The following LNX2 variants were observed in gnomAD, a reference collection of about 807,000 sequenced individuals.
The protein encoded by LNX2 is ligand of Numb protein X 2.
LNX2 carries 35 observed loss-of-function variants against 66.2 expected under a neutral mutation model. That is an observed-to-expected ratio of 0.53 (90% CI 0.40 to 0.70). The LOEUF is 0.70. Among genes scored for constraint, LNX2 ranks in the 30% least tolerant of loss-of-function variants. The pLI, the probability that LNX2 is intolerant of heterozygous loss-of-function variation, is 0.00. For synonymous variants in LNX2, 337 were observed against 315.6 expected, an observed-to-expected ratio of 1.07 and a Z score of -0.72; for missense variants, 791 against 850.8, an observed-to-expected ratio of 0.93 and a Z score of 0.87.
intron 1 of LNX2, among the ~76,000 whole-genome samples, chr13:27,590,773 G>C (rs1299456503): frequency 1.3e-5 from 2 of 152,074 alleles, no homozygotes; most frequent in Non-Finnish European, 2.9e-5. Context: ...TAAGGTAAAG[G>C]AAATAGAACT....
At chr13:27,620,259 CGGCCGCCTCCCGGGGCGCGGCGCT>C (rs1390680160) in intron 1 of LNX2, 92 bp downstream of exon 1, 1 of 152,130 alleles carries the variant, frequency 6.6e-6, no homozygotes, top group Non-Finnish European at 1.5e-5. Context: ...GGCGCCGCTC[CGGCCGCCTCCCGGGGCGCGGCGCT>C]GACCCACACC....
At chr13:27,562,849 G>A in intron 4 of LNX2, 68 bp from the exon 5 acceptor site, 3 of 1,505,518 alleles carry the variant, frequency 2.0e-6, no homozygotes, top group Non-Finnish European at 2.7e-6. Context: ...GAATGTTTAT[G>A]TGACATTTCC....
intron 5 of LNX2, 68 bp from the exon 6 acceptor site, chr13:27,560,053 G>A: frequency 7.3e-7 from 1 of 1,364,602 alleles, no homozygotes; most frequent in Non-Finnish European, 9.8e-7. Context: ...ATTACACACA[G>A]TGTAATTTTC....
At chr13:27,582,470 G>A (rs1348908821) in intron 1 of LNX2, among the ~76,000 whole-genome samples, 1 of 152,196 alleles carries the variant, frequency 6.6e-6, no homozygotes, top group African/African-American at 2.4e-5. Flanking sequence ...TAGTTTTAAA[G>A]CCAATTAATT....
intron 1 of LNX2, among the ~76,000 whole-genome samples, chr13:27,598,031 C>T (rs1199935546): frequency 1.3e-5 from 2 of 151,974 alleles, no homozygotes; most frequent in Admixed American, 1.3e-4. Context: ...TTTCAATTTA[C>T]AACAAATGTC....
At chr13:27,597,717 T>C (rs1012754608) in intron 1 of LNX2, among the ~76,000 whole-genome samples, 4 of 151,998 alleles carry the variant, frequency 2.6e-5, no homozygotes, top group Admixed American at 6.5e-5. Flanking sequence ...GGAATGACTA[T>C]GAACAGTCAA....
At chr13:27,581,939 A>T (rs999166518) in intron 1 of LNX2, 136 bp from the exon 2 acceptor site, 1 of 368,304 alleles carries the variant, frequency 2.7e-6, no homozygotes, top group Middle Eastern at 7.0e-4. Flanking sequence ...AATTAGTCAT[A>T]AAAAAAGAAA....
chr13:27,553,335 T>G lies in LNX2; in HGVS notation c.1651A>C (p.Lys551Gln), dbSNP rs754394961. Residue 551 changes from lysine (K) to glutamine (Q), a missense_variant, in exon 8 of 10, where the codon AAA (lysine) becomes CAA (glutamine). Physicochemically the swap from Lys to Gln is moderately conservative, Grantham distance 53 (BLOSUM62 1). Transcript: ENST00000316334. ...ASAASPAVAL[K>Q]ALEVQIVEEA... ...TCAACAATCTGGACCTCAAGTGCTTTAAGGGCAACAGCAGGGGACGCGGCA... is the reference window on the plus strand; with the variant it reads ...TCAACAATCTGGACCTCAAGTGCTTGAAGGGCAACAGCAGGGGACGCGGCA... The G allele has an allele frequency of 7.4e-6, 12 of 1,614,190 alleles. No homozygotes were observed. The highest frequency in any genetic ancestry group is 9.3e-6 in the Non-Finnish European group (11 of 1,180,036).
Position 27,562,455 on chromosome 13 carries a change from G to A in LNX2, c.1182C>T (p.Asp394=), listed in dbSNP as rs1955146233. Residue 394 remains aspartate, a synonymous_variant, in exon 5 of 10, where the codon GAC becomes GAT. Coordinates refer to ENST00000316334, the MANE Select transcript of LNX2 (RefSeq NM_153371.4). ...NDRVLAINGH[D]LKYGTPELAA... ...CAAGCTCCGGAGTTCCATACTTCAGGTCGTGCCCATTGATGGCCAGCACTC... is the reference window on the plus strand; with the variant it reads ...CAAGCTCCGGAGTTCCATACTTCAGATCGTGCCCATTGATGGCCAGCACTC... 4 of 1,613,994 alleles carry A rather than the reference G, an allele frequency of 2.5e-6. No homozygotes were observed. The highest frequency in any genetic ancestry group is 3.4e-6 in the Non-Finnish European group (4 of 1,179,996).
chr13:27,549,852 T>G (rs1012668715), intron 9 of LNX2, among the ~76,000 whole-genome samples: 1 of 152,150 alleles, frequency 6.6e-6, no homozygotes, highest in Admixed American at 6.6e-5. Flanking sequence ...CAGGTAGAGA[T>G]GAGTGCTATG....
chr13:27,580,766 A>T (rs898327454), intron 2 of LNX2, among the ~76,000 whole-genome samples: 1 of 152,298 alleles, frequency 6.6e-6, no homozygotes, highest in Admixed American at 6.5e-5. Flanking sequence ...CAACAAAATT[A>T]TCGTTTTTAT....
At chr13:27,560,565 G>GCATATATATA (rs1242930383) in intron 5 of LNX2, among the ~76,000 whole-genome samples, 4 of 119,958 alleles carry the variant, frequency 3.3e-5, no homozygotes, top group Non-Finnish European at 5.2e-5. Flanking sequence ...ATGTATGTGT[G>GCATATATATA]TATATATATA....
intron 1 of LNX2, among the ~76,000 whole-genome samples, chr13:27,585,197 G>A (rs958172927): frequency 1.3e-5 from 2 of 151,786 alleles, no homozygotes; most frequent in East Asian, 1.9e-4. Context: ...AGGCTGAGGC[G>A]GGTGGATCAC....
intron 6 of LNX2, among the ~76,000 whole-genome samples, chr13:27,558,322 C>T (rs185351477): frequency 6.6e-6 from 1 of 152,032 alleles, no homozygotes; most frequent in Non-Finnish European, 1.5e-5. Flanking sequence ...GCCAGGTTTG[C>T]AGAGTGCCTG....
intron 2 of LNX2, among the ~76,000 whole-genome samples, chr13:27,569,854 C>A (rs1955256278): frequency 6.6e-6 from 1 of 152,074 alleles, no homozygotes; most frequent in Admixed American, 6.6e-5. Context: ...AAATATGCCT[C>A]CTAGTTTGTG....
intron 1 of LNX2, among the ~76,000 whole-genome samples, chr13:27,613,497 C>T (rs1201149002): frequency 6.6e-6 from 1 of 152,152 alleles, no homozygotes; most frequent in African/African-American, 2.4e-5. Flanking sequence ...GCAGGCCGGG[C>T]GTGGTGGCTC....
chr13:27,586,035 TAC>T (rs1333184437), intron 1 of LNX2, among the ~76,000 whole-genome samples: 128 of 148,356 alleles, frequency 8.6e-4, no homozygotes, highest in African/African-American at 3.0e-3. Context: ...TACATATATA[TAC>T]TTATATATAC....
intron 1 of LNX2, among the ~76,000 whole-genome samples, chr13:27,597,093 T>C (rs1461601160): frequency 1.3e-5 from 2 of 152,188 alleles, no homozygotes; most frequent in African/African-American, 4.8e-5. Context: ...GGCCTATCCT[T>C]ATCAGAAATC....
chr13:27,618,528 T>C (rs1955851411), intron 1 of LNX2, among the ~76,000 whole-genome samples: 1 of 152,198 alleles, frequency 6.6e-6, no homozygotes, highest in Non-Finnish European at 1.5e-5. Flanking sequence ...CTTTCTGGAA[T>C]GCTTACCCGT....
Sources: gnomAD v4.1 joint callset for allele counts (sites outside exome capture counted in the v4.1 genomes callset) on GRCh38, gnomAD v4.1.1 for gene constraint, MANE v1.5 for transcripts, NCBI Gene and HGNC (gene_info 2026-07-23, HGNC 2026-07-21) for gene names.